Variants in KCNT2 observed in about 807,000 individuals in gnomAD.
KCNT2 encodes the protein potassium sodium-activated channel subfamily T member 2.
A neutral mutation model predicts 153.8 loss-of-function variants in KCNT2; 67 were observed. That is an observed-to-expected ratio of 0.44 (90% CI 0.36 to 0.53). KCNT2 has a LOEUF of 0.53. Among genes scored for constraint, KCNT2 ranks in the 20% least tolerant of loss-of-function variants. The pLI is 0.00. For synonymous variants in KCNT2, 500 were observed against 458.8 expected, an observed-to-expected ratio of 1.09 and a Z score of -1.15; for missense variants, 975 against 1,354.8, an observed-to-expected ratio of 0.72 and a Z score of 4.40.
intron 19 of KCNT2, among the ~76,000 whole-genome samples, chr1:196,325,840 A>T (rs557316516): frequency 4.6e-5 from 7 of 152,268 alleles, no homozygotes; most frequent in African/African-American, 1.7e-4. Flanking sequence ...TGATGTTGGT[A>T]AAGTGAGAAT....
intron 1 of KCNT2, among the ~76,000 whole-genome samples, chr1:196,502,027 G>T (rs953679377): frequency 6.6e-6 from 1 of 152,150 alleles, no homozygotes; most frequent in African/African-American, 2.4e-5. Flanking sequence ...AGAGGCAGGA[G>T]AATTGCTTGA....
intron 26 of KCNT2, among the ~76,000 whole-genome samples, chr1:196,246,401 G>A (rs187336075): frequency 6.6e-6 from 1 of 152,172 alleles, no homozygotes; most frequent in East Asian, 1.9e-4. Flanking sequence ...GAAAGAAAAG[G>A]ATGTTAAAAC....
intron 1 of KCNT2, among the ~76,000 whole-genome samples, chr1:196,493,226 G>T (rs1470366124): frequency 1.3e-5 from 2 of 151,448 alleles, no homozygotes; most frequent in African/African-American, 4.9e-5. Context: ...GCTAAGAATG[G>T]ATTTTAATGT....
At position 196,579,823 on chromosome 1, in the gene KCNT2, A is replaced by C. The variant is rs1229484292; in HGVS notation, c.95+28392T>G. On this transcript the variant is annotated intron_variant, in intron 1 of 27. Transcript: ENST00000294725. ...AAATTTTTAAAAAGACCTACACTAA[A>C]GTACAGCATCATGAAATATCAGAAA... Among the ~76,000 whole-genome samples the C allele has an allele frequency of 2.6e-5, 4 of 152,242 alleles. No homozygotes were observed. In the East Asian group the frequency reaches 7.7e-4, roughly 29 times the overall value.
At chr1:196,424,165 C>G (rs1265518263) in intron 11 of KCNT2, among the ~76,000 whole-genome samples, 1 of 151,464 alleles carries the variant, frequency 6.6e-6, no homozygotes, top group Non-Finnish European at 1.5e-5. Flanking sequence ...TAAATATGGT[C>G]GCTTTTACCA....
intron 1 of KCNT2, among the ~76,000 whole-genome samples, chr1:196,598,715 T>C (rs1468493589): frequency 2.0e-5 from 3 of 152,230 alleles, no homozygotes; most frequent in African/African-American, 7.2e-5. Context: ...ACAGGTCATG[T>C]GACTTTGAAC....
intron 1 of KCNT2, among the ~76,000 whole-genome samples, chr1:196,529,163 A>G (rs1319009684): frequency 6.6e-6 from 1 of 152,136 alleles, no homozygotes; most frequent in Non-Finnish European, 1.5e-5. Context: ...GAAACTGAAT[A>G]TTACTAATGC....
chr1:196,282,650 T>A (rs1659227067), intron 23 of KCNT2, among the ~76,000 whole-genome samples: 2 of 152,232 alleles, frequency 1.3e-5, no homozygotes, highest in African/African-American at 4.8e-5. Flanking sequence ...TTAGAATTTT[T>A]AAAGCAAAAA....
intron 14 of KCNT2, among the ~76,000 whole-genome samples, chr1:196,363,891 A>G (rs1027039649): frequency 2.0e-5 from 3 of 152,150 alleles, no homozygotes; most frequent in African/African-American, 7.2e-5. Context: ...TTGTAAGTAT[A>G]TATACTAGCA....
At chr1:196,481,786 C>T (rs1468568397) in intron 4 of KCNT2, among the ~76,000 whole-genome samples, 3 of 152,108 alleles carry the variant, frequency 2.0e-5, no homozygotes, top group Admixed American at 6.6e-5. Context: ...TGTGCTCTGT[C>T]ATATTTTCTT....
intron 17 of KCNT2, among the ~76,000 whole-genome samples, chr1:196,331,813 T>A (rs559417431): frequency 9.2e-5 from 14 of 152,140 alleles, no homozygotes; most frequent in Non-Finnish European, 1.8e-4. Context: ...CTATCAATAT[T>A]CATTAGCCAT....
chr1:196,518,140 A>G (rs1033695038), intron 1 of KCNT2, among the ~76,000 whole-genome samples: 4 of 152,174 alleles, frequency 2.6e-5, no homozygotes, highest in Admixed American at 6.5e-5. Context: ...AAAATCTTCA[A>G]TCAAGATTTT....
intron 26 of KCNT2, among the ~76,000 whole-genome samples, chr1:196,253,551 T>C (rs1558068937): frequency 6.6e-6 from 1 of 151,568 alleles, no homozygotes; most frequent in Non-Finnish European, 1.5e-5. Flanking sequence ...GGTCATATTT[T>C]CTTATTTTGC....
intron 21 of KCNT2, among the ~76,000 whole-genome samples, chr1:196,309,210 T>G (rs1661925339): frequency 6.6e-6 from 1 of 151,966 alleles, no homozygotes; most frequent in Non-Finnish European, 1.5e-5. Flanking sequence ...AGCTACAAAC[T>G]AATGAAAATC....
At chr1:196,555,266 C>T (rs535793483) in intron 1 of KCNT2, among the ~76,000 whole-genome samples, 2 of 151,320 alleles carry the variant, frequency 1.3e-5, no homozygotes, top group East Asian at 3.9e-4. Context: ...AAAGACTACA[C>T]AGAAAACTAT....
chr1:196,502,107 A>G (rs1350226774), intron 1 of KCNT2, among the ~76,000 whole-genome samples: 3 of 152,044 alleles, frequency 2.0e-5, no homozygotes, highest in Non-Finnish European at 4.4e-5. Context: ...ACAGAGCAAG[A>G]CTCCATCTCA....
chr1:196,602,928 A>C (rs1015069328), intron 1 of KCNT2, among the ~76,000 whole-genome samples: 1 of 150,752 alleles, frequency 6.6e-6, no homozygotes, highest in Non-Finnish European at 1.5e-5. Context: ...CTGGGACTAC[A>C]GGCGCCCGCC....
At chr1:196,244,004 C>T (rs572304303) in intron 26 of KCNT2, among the ~76,000 whole-genome samples, 89 of 152,062 alleles carry the variant, frequency 5.9e-4, no homozygotes, top group Admixed American at 2.6e-3. Context: ...ACCAGCTCAG[C>T]CATAGTATGA....
At chr1:196,561,323 G>A (rs1305098871) in intron 1 of KCNT2, among the ~76,000 whole-genome samples, 1 of 151,652 alleles carries the variant, frequency 6.6e-6, no homozygotes, top group African/African-American at 2.4e-5. Flanking sequence ...AAAGAGATTA[G>A]AGGAATGGAC....
Sources: gnomAD v4.1 joint callset for allele counts (sites outside exome capture counted in the v4.1 genomes callset) on GRCh38, gnomAD v4.1.1 for gene constraint, MANE v1.5 for transcripts, NCBI Gene and HGNC (gene_info 2026-07-23, HGNC 2026-07-21) for gene names.